SDK1: variants seen among roughly 807,000 people sequenced by gnomAD.
SDK1 encodes the protein sidekick cell adhesion molecule 1.
Under a neutral mutation model 245.5 loss-of-function variants are expected in SDK1, and 157 were observed. The observed-to-expected ratio is 0.64, with a 90% CI of 0.56 to 0.73. The LOEUF (loss-of-function observed/expected upper bound fraction) is 0.73. Among genes scored for constraint, SDK1 ranks in the 30% least tolerant of loss-of-function variants. The pLI, the probability that SDK1 is intolerant of heterozygous loss-of-function variation, is 0.00. For missense variants in SDK1, 3,583 were observed against 3,002.3 expected, an observed-to-expected ratio of 1.19 and a Z score of -4.52; for synonymous variants, 1,647 against 1,278.5, an observed-to-expected ratio of 1.29 and a Z score of -6.15.
chr7:4,002,504 A>G lies in SDK1; in HGVS notation c.2132-8462A>G, dbSNP rs375270554. 2.6e-5 allele frequency among the ~76,000 whole-genome samples: 4 copies of G among 152,298 alleles called. No individual in the cohort carries two copies. The East Asian group carries it at 5.8e-4, about 22-fold the overall frequency. ...AGTCTCCAAAAACGTGAAAGTAATT[A>G]CCCAAAGCATTGAACAACAATGAGA... is the stretch of plus-strand genomic sequence containing the variant. On this transcript the variant is annotated intron_variant, in intron 14 of 44. Transcript: ENST00000404826.
At chr7:3,705,299 A>C (rs1247037124) in intron 4 of SDK1, among the ~76,000 whole-genome samples, 1 of 151,974 alleles carries the variant, frequency 6.6e-6, no homozygotes, top group Admixed American at 6.6e-5. Context: ...TTTTCATGAT[A>C]CTGATTCTTT....
intron 4 of SDK1, among the ~76,000 whole-genome samples, chr7:3,734,039 C>G (rs768682221): frequency 1.8e-4 from 28 of 152,354 alleles, no homozygotes; most frequent in Middle Eastern, 6.8e-3. Flanking sequence ...GCTGTAAGCC[C>G]TGGCTGTGCC....
chr7:3,646,211 C>T (rs537846207), intron 4 of SDK1, among the ~76,000 whole-genome samples: 1 of 152,220 alleles, frequency 6.6e-6, no homozygotes, highest in South Asian at 2.1e-4. Context: ...AATACGTGCA[C>T]CTTTGTCATG....
intron 1 of SDK1, 100 bp downstream of exon 1, chr7:3,301,984 C>A: frequency 1.1e-6 from 1 of 898,822 alleles, no homozygotes; most frequent in Non-Finnish European, 1.3e-6. Flanking sequence ...CGCTTCCCGG[C>A]CCGGGTCGGG....
intron 4 of SDK1, among the ~76,000 whole-genome samples, chr7:3,681,583 C>T (rs73050388): frequency 6.6e-6 from 1 of 152,290 alleles, no homozygotes; most frequent in South Asian, 2.1e-4. Flanking sequence ...CACTTAATGT[C>T]TTTTGACATA....
At chr7:3,832,253 C>A (rs1779930725) in intron 5 of SDK1, among the ~76,000 whole-genome samples, 1 of 152,082 alleles carries the variant, frequency 6.6e-6, no homozygotes, top group Non-Finnish European at 1.5e-5. Flanking sequence ...AGACTTTCAC[C>A]ATTTTACTTA....
At chr7:3,606,900 A>G (rs933935892) in intron 1 of SDK1, among the ~76,000 whole-genome samples, 3 of 152,234 alleles carry the variant, frequency 2.0e-5, no homozygotes, top group African/African-American at 4.8e-5. Context: ...GAAAAAAGTT[A>G]TGTACAACAC....
chr7:3,710,660 T>C (rs10263462), intron 4 of SDK1, among the ~76,000 whole-genome samples: 17,358 of 152,250 alleles, frequency 0.11, 1,407 homozygotes, highest in African/African-American at 0.23. Context: ...CGTAAATTAC[T>C]CTTGCCATTA....
At chr7:3,821,022 C>T (rs1689647658) in intron 4 of SDK1, among the ~76,000 whole-genome samples, 1 of 152,188 alleles carries the variant, frequency 6.6e-6, no homozygotes, top group Non-Finnish European at 1.5e-5. Flanking sequence ...TGATGAGGCT[C>T]CCTCGAGGTG....
At chr7:4,242,470 A>G (rs1048651458) in intron 43 of SDK1, among the ~76,000 whole-genome samples, 4 of 152,094 alleles carry the variant, frequency 2.6e-5, no homozygotes, top group African/African-American at 7.2e-5. Context: ...GGGTTTCCCA[A>G]ACAAGAGAGG....
Position 4,019,434 on chromosome 7 carries a change from G to A in SDK1, c.2602+2082G>A, listed in dbSNP as rs145816153. Among the ~76,000 whole-genome samples the A allele has an allele frequency of 5.5e-3, 844 of 152,272 alleles. 6 individuals are homozygous for A. Among genetic ancestry groups the A allele is most frequent in the African/African-American group, 0.019 (786 of 41,542 alleles). ...GACTGTGCTTAGCTAGTGGGCTGGG[G>A]TGCAGGGTTCCCCTAAGATAGTGGC... is the stretch of plus-strand genomic sequence containing the variant. On this transcript the variant is annotated intron_variant, in intron 17 of 44. Transcript: ENST00000404826.
At position 4,241,987 on chromosome 7, in the gene SDK1, C is replaced by G; in HGVS notation, c.6251+74C>G. 7 of 1,539,184 alleles carry G rather than the reference C, an allele frequency of 4.5e-6. No homozygotes were observed. The East Asian group carries it at 6.8e-5, about 15-fold the overall frequency. ...GGGCTGGGGTGGCAGCCCACGCCCA[C>G]TGGCACCTCCTGCATCCCGCCCTGT... On this transcript the variant is annotated intron_variant, in intron 43 of 44. Transcript: ENST00000404826.
chr7:3,736,541 G>C (rs936275445), intron 4 of SDK1, among the ~76,000 whole-genome samples: 2 of 152,076 alleles, frequency 1.3e-5, no homozygotes, highest in African/African-American at 4.8e-5. Flanking sequence ...CAAAGTGCTG[G>C]GATTACAGGC....
At chr7:3,883,638 G>T (rs1326574112) in intron 5 of SDK1, among the ~76,000 whole-genome samples, 3 of 152,108 alleles carry the variant, frequency 2.0e-5, no homozygotes, top group African/African-American at 7.2e-5. Flanking sequence ...AATCAAAACT[G>T]TGCCATGAAG....
chr7:4,011,181 A>C (rs1454015300), intron 15 of SDK1, 68 bp downstream of exon 15: 18 of 1,560,648 alleles, frequency 1.2e-5, no homozygotes, highest in Non-Finnish European at 1.5e-5. Flanking sequence ...GAGAAGCATC[A>C]CATTATGTGG....
intron 1 of SDK1, among the ~76,000 whole-genome samples, chr7:3,588,801 T>G (rs1413276388): frequency 1.3e-5 from 2 of 152,224 alleles, no homozygotes; most frequent in Non-Finnish European, 2.9e-5. Flanking sequence ...TAAAGCTACT[T>G]TGCATCACTA....
chr7:3,717,669 G>C (rs1342088870), intron 4 of SDK1, among the ~76,000 whole-genome samples: 1 of 152,188 alleles, frequency 6.6e-6, no homozygotes, highest in Non-Finnish European at 1.5e-5. Context: ...TGAAAACTTA[G>C]ATTAGCTGGA....
At chr7:3,384,057 A>G (rs1216483948) in intron 1 of SDK1, among the ~76,000 whole-genome samples, 1 of 152,194 alleles carries the variant, frequency 6.6e-6, no homozygotes, top group Non-Finnish European at 1.5e-5. Context: ...TGTATTTTAT[A>G]CAGAGTTAGC....
intron 4 of SDK1, among the ~76,000 whole-genome samples, chr7:3,657,994 G>C (rs1026482692): frequency 6.6e-6 from 1 of 152,190 alleles, no homozygotes; most frequent in Non-Finnish European, 1.5e-5. Context: ...CATGAGGGTG[G>C]TGAAATGGCC....
Sources: gnomAD v4.1 joint callset for allele counts (sites outside exome capture counted in the v4.1 genomes callset) on GRCh38, gnomAD v4.1.1 for gene constraint, MANE v1.5 for transcripts, NCBI Gene and HGNC (gene_info 2026-07-23, HGNC 2026-07-21) for gene names.